Variants in MYO18B observed in about 807,000 individuals in gnomAD.
The protein encoded by MYO18B is unconventional myosin-XVIIIb.
In MYO18B, 204 loss-of-function variants were observed where a neutral mutation model predicts 273.0. The observed-to-expected ratio is 0.75, with a 90% CI of 0.67 to 0.84. The LOEUF is 0.84. MYO18B is among the 40% of genes least tolerant of loss of function. The probability of loss-of-function intolerance (pLI) is 0.00; values close to 1 mark genes in which losing one functional copy is unlikely to be tolerated. For synonymous variants in MYO18B, 1,330 were observed against 1,305.7 expected (o/e 1.02, Z -0.40); for missense variants, 3,212 against 3,287.6 (o/e 0.98, Z 0.56).
intron 12 of MYO18B, among the ~76,000 whole-genome samples, chr22:25,815,981 C>A (rs968472007): frequency 3.9e-5 from 6 of 152,218 alleles, no homozygotes; most frequent in African/African-American, 1.4e-4. Context: ...GGCACATCGG[C>A]CAGGCCTTTG....
Position 25,890,767 on chromosome 22 carries a change from G to C in MYO18B, c.4326G>C (p.Leu1442Phe), listed in dbSNP as rs547456006. 7.0e-5 allele frequency: 113 copies of C among 1,613,932 alleles called. No homozygotes were observed. The highest frequency in any genetic ancestry group is 9.2e-5 in the Non-Finnish European group (108 of 1,179,856). ...TDLLESKIAD[L>F]TSDLADERFK... The stretch of plus-strand genomic sequence containing the variant: ...ATTCCCCATCTCAGATTGCTGACTT[G>C]ACCTCTGACCTTGCCGATGAGCGCT... The change falls in exon 26 of 44, where the codon TTG (leucine) becomes TTC (phenylalanine). Residue 1442 changes from leucine (L) to phenylalanine (F), a missense_variant. By Grantham distance (22) the Leu-to-Phe change is conservative. Coordinates refer to ENST00000335473, the MANE Select transcript of MYO18B (RefSeq NM_032608.7).
Position 25,768,954 on chromosome 22 carries a change from G to T in MYO18B, c.1038G>T (p.Glu346Asp), listed in dbSNP as rs1601634767. 3 of 1,611,712 alleles carry T rather than the reference G, an allele frequency of 1.9e-6. No homozygotes were observed. The East Asian group carries it at 6.7e-5, about 36-fold the overall frequency. The change falls in exon 4 of 44, where the codon GAG (glutamate) becomes GAT (aspartate). Residue 346 changes from glutamate to aspartate, a missense_variant. Transcript: ENST00000335473. ...DKEGVLLSKA[E>D]KTGEPQTQME... is the part of the protein sequence containing the mutation. ...AAGGGGTGCTCTTAAGTAAGGCAGA[G>T]AAGACAGGTGAGCCTCAGACCCAGA... is the stretch of plus-strand genomic sequence containing the variant.
intron 1 of MYO18B, among the ~76,000 whole-genome samples, chr22:25,750,989 A>G (rs2085915838): frequency 6.6e-6 from 1 of 152,178 alleles, no homozygotes; most frequent in Non-Finnish European, 1.5e-5. Context: ...AAGTCAGACC[A>G]TCTGGTCCAC....
the MYO18B span, among the ~76,000 whole-genome samples, chr22:26,044,531 G>A: frequency 1.3e-5 from 2 of 152,194 alleles, no homozygotes; most frequent in African/African-American, 4.8e-5. Context: ...AACGTGGAGT[G>A]TCTTATTTAA....
In MYO18B at chr22:25,828,936, A is replaced by G; in HGVS notation, c.2947A>G (p.Thr983Ala). 6.2e-7 allele frequency: 1 copy of G among 1,613,936 alleles called. No individual in the cohort carries two copies. Among genetic ancestry groups the G allele is most frequent in the South Asian group, 1.1e-5 (1 of 91,076 alleles). Residue 983 changes from threonine to alanine, a missense_variant, in exon 15 of 44, where the codon ACC becomes GCC. Physicochemically the swap from Thr to Ala is moderately conservative, Grantham distance 58 (BLOSUM62 0). Coordinates refer to ENST00000335473, the MANE Select transcript of MYO18B (RefSeq NM_032608.7). ...CCTGCAGCTGCTGTTCTACCAGCGG[A>G]CCTTTGTCTCCACGCTACAGCGATA... ...ERLQLLFYQR[T>A]FVSTLQRYQE...
intron 23 of MYO18B, 125 bp from the exon 24 acceptor site, chr22:25,876,057 GGTATCCA>G: frequency 1.8e-6 from 1 of 567,366 alleles, no homozygotes; most frequent in South Asian, 2.0e-5. Flanking sequence ...TGTGTTTTAA[GGTATCCA>G]GTCCCTTCCA....
intron 25 of MYO18B, among the ~76,000 whole-genome samples, chr22:25,879,174 A>G (rs1424207594): frequency 6.6e-6 from 1 of 152,220 alleles, no homozygotes; most frequent in Non-Finnish European, 1.5e-5. Context: ...TGTGTAGTCT[A>G]TGACTGCTTT....
chr22:25,829,841 AAATAAT>A (rs968096302), intron 15 of MYO18B, among the ~76,000 whole-genome samples: 2 of 151,688 alleles, frequency 1.3e-5, no homozygotes, highest in African/African-American at 4.8e-5. Context: ...CCATCTCAAA[AAATAAT>A]AATAATAATA....
At chr22:25,940,197 C>T (rs760544325) in intron 34 of MYO18B, among the ~76,000 whole-genome samples, 1 of 152,160 alleles carries the variant, frequency 6.6e-6, no homozygotes, top group Non-Finnish European at 1.5e-5. Flanking sequence ...ATAATTCCCA[C>T]GTGTCATGAG....
In MYO18B at chr22:25,774,582, G is replaced by C. The variant is rs544952338; in HGVS notation, c.1869+2072G>C. On this transcript the variant is annotated intron_variant, in intron 7 of 43. Transcript: ENST00000335473. Reference sequence around the variant, plus strand: ...TCCCTTCCTAACCCTGGGGTGGGGTGCGGCACTGGTCCGCACCCTTCCCTC... The same window carrying C: ...TCCCTTCCTAACCCTGGGGTGGGGTCCGGCACTGGTCCGCACCCTTCCCTC... Among the ~76,000 whole-genome samples the C allele has an allele frequency of 1.2e-4, 19 of 152,342 alleles. No individual in the cohort carries two copies. The South Asian group carries it at 3.9e-3, about 32-fold the overall frequency.
intron 1 of MYO18B, among the ~76,000 whole-genome samples, chr22:25,744,585 T>C (rs1241910356): frequency 1.3e-5 from 2 of 151,642 alleles, no homozygotes; most frequent in Non-Finnish European, 2.9e-5. Flanking sequence ...CAAAAAAAAA[T>C]TAGCCGGGCG....
intron 25 of MYO18B, among the ~76,000 whole-genome samples, chr22:25,879,996 T>TCCTCCAACACTTCCCACCAGGCCCC (rs2091295632): frequency 6.6e-6 from 1 of 152,030 alleles, no homozygotes; most frequent in Non-Finnish European, 1.5e-5. Context: ...CACCAGGCCC[T>TCCTCCAACACTTCCCACCAGGCCCC]TCCTCCAACA....
At chr22:25,992,796 C>G (rs1014131295) in intron 40 of MYO18B, among the ~76,000 whole-genome samples, 1 of 152,208 alleles carries the variant, frequency 6.6e-6, no homozygotes, top group African/African-American at 2.4e-5. Context: ...TGGCCTAATT[C>G]TCTCATCTGT....
rs569947279 is a variant in MYO18B, at chr22:25,792,499, T to C, written c.2377-5454T>C. Among the ~76,000 whole-genome samples, 190 of 124,594 alleles carry C rather than the reference T, an allele frequency of 1.5e-3. 17 individuals are homozygous for C. The South Asian group carries it at 0.054, about 35-fold the overall frequency. The allele number at this position is 124,594 out of a possible 152,430, so 81.7% of individuals were successfully genotyped here. A position where few individuals can be genotyped will look rare whatever the true frequency, so the allele number is the denominator to read the frequency against. On this transcript the variant is annotated intron_variant, in intron 11 of 43. Transcript: ENST00000335473. ...GATGTTTCTTTTTTTTTTCTTTTCT[T>C]TTTTTTTTTTTTTTGAGACAGAGTC...
At chr22:25,947,237 C>G (rs959402123) in intron 35 of MYO18B, among the ~76,000 whole-genome samples, 4 of 151,976 alleles carry the variant, frequency 2.6e-5, no homozygotes, top group Non-Finnish European at 2.9e-5. Flanking sequence ...ACCTGTGCCT[C>G]CAAGTTTATT....
In MYO18B at chr22:26,004,851, C is replaced by T. The variant is rs1449696303; in HGVS notation, c.6466C>T (p.Pro2156Ser). 6.2e-7 allele frequency: 1 copy of T among 1,613,430 alleles called. No homozygotes were observed. Among genetic ancestry groups the T allele is most frequent in the African/African-American group, 1.3e-5 (1 of 74,910 alleles). Residue 2156 changes from proline to serine, a missense_variant, in exon 42 of 44, where the codon CCC (proline) becomes TCC (serine). Coordinates refer to ENST00000335473, the MANE Select transcript of MYO18B (RefSeq NM_032608.7). ...QSATSSRILS[P>S]RINEEAGDTE... ...AGCCACCAGCAGCCGCATCCTCAGC[C>T]CCAGGTAAGAGTATCTCCTTGCTGC...
At chr22:25,891,720 A>T (rs1359505762) in intron 27 of MYO18B, among the ~76,000 whole-genome samples, 1 of 152,188 alleles carries the variant, frequency 6.6e-6, no homozygotes, top group Non-Finnish European at 1.5e-5. Context: ...TGTTTATGTG[A>T]ATATTTTAAA....
intron 40 of MYO18B, among the ~76,000 whole-genome samples, chr22:25,999,524 C>T (rs1349359159): frequency 1.5e-5 from 1 of 66,328 alleles, no homozygotes; most frequent in Non-Finnish European, 3.2e-5. Context: ...CTCTCTCCCC[C>T]TCCCCCTCCT....
At chr22:26,042,597 C>T in the MYO18B span, among the ~76,000 whole-genome samples, 1,852 of 152,284 alleles carry the variant, frequency 0.012, 37 homozygotes, top group African/African-American at 0.04. Context: ...CAGGAGCCCC[C>T]GTTTGTCCAG....
Sources: gnomAD v4.1 joint callset for allele counts (sites outside exome capture counted in the v4.1 genomes callset) on GRCh38, gnomAD v4.1.1 for gene constraint, MANE v1.5 for transcripts, NCBI Gene and HGNC (gene_info 2026-07-23, HGNC 2026-07-21) for gene names.